ADCY2: variants seen among roughly 807,000 people sequenced by gnomAD.
ADCY2 encodes the protein adenylate cyclase 2, also known as adenylate cyclase type 2.
A neutral mutation model predicts 125.2 loss-of-function variants in ADCY2; 31 were observed. The ratio of observed to expected loss-of-function variants is 0.25; its 90% CI spans 0.19 to 0.33. The LOEUF is 0.33. Ranked by LOEUF, ADCY2 falls within the 10% of genes least tolerant of loss-of-function variation. The pLI is 1.00. For missense variants in ADCY2, 904 were observed against 1,418.2 expected, an observed-to-expected ratio of 0.64 and a Z score of 5.82; for synonymous variants, 512 against 548.4, an observed-to-expected ratio of 0.93 and a Z score of 0.93.
At chr5:7,693,912 T>A (rs1013995746) in intron 5 of ADCY2, among the ~76,000 whole-genome samples, 1 of 152,202 alleles carries the variant, frequency 6.6e-6, no homozygotes, top group African/African-American at 2.4e-5. Flanking sequence ...CAATACTGCT[T>A]TGAATCAGGG....
At chr5:7,752,109 G>C (rs1742845467) in intron 15 of ADCY2, among the ~76,000 whole-genome samples, 1 of 152,164 alleles carries the variant, frequency 6.6e-6, no homozygotes, top group Non-Finnish European at 1.5e-5. Flanking sequence ...ACAGTGCAGG[G>C]ATGTGGCTCA....
intron 3 of ADCY2, among the ~76,000 whole-genome samples, chr5:7,576,817 G>A (rs1736267924): frequency 6.6e-6 from 1 of 152,082 alleles, no homozygotes; most frequent in African/African-American, 2.4e-5. Context: ...AACTAGAAAT[G>A]TATTCTGAGC....
chr5:7,494,606 C>T (rs1743281769), intron 2 of ADCY2, among the ~76,000 whole-genome samples: 1 of 152,116 alleles, frequency 6.6e-6, no homozygotes, highest in African/African-American at 2.4e-5. Context: ...CTCCTCCAGG[C>T]CTGGCAGATG....
In ADCY2 at chr5:7,728,257, G is replaced by T. The variant is rs147001544; in HGVS notation, c.1871+996G>T. Among the ~76,000 whole-genome samples the T allele has an allele frequency of 4.7e-3, 720 of 152,216 alleles. 3 individuals are homozygous for T. The highest frequency in any genetic ancestry group is 7.8e-3 in the Non-Finnish European group (528 of 68,020). The stretch of plus-strand genomic sequence containing the variant: ...CTACAAAGAAGTTGTCTGTTTCTCC[G>T]CCTCTGTACTTCAAAGGATTTTCTT... On this transcript the variant is annotated intron_variant, in intron 14 of 24. Coordinates refer to ENST00000338316, the MANE Select transcript of ADCY2 (RefSeq NM_020546.3).
At chr5:7,793,063 C>T (rs765214660) in intron 20 of ADCY2, among the ~76,000 whole-genome samples, 1 of 152,166 alleles carries the variant, frequency 6.6e-6, no homozygotes, top group Non-Finnish European at 1.5e-5. Flanking sequence ...GTACCAGGGA[C>T]CTTCATGCCA....
Position 7,479,530 on chromosome 5 carries a change from C to A in ADCY2, c.409-41208C>A, listed in dbSNP as rs142171685. Among the ~76,000 whole-genome samples, 143 of 152,068 alleles carry A rather than the reference C, an allele frequency of 9.4e-4. 1 individual carries two copies. Among genetic ancestry groups the A allele is most frequent in the African/African-American group, 3.3e-3 (137 of 41,496 alleles). On this transcript the variant is annotated intron_variant, in intron 2 of 24. Coordinates refer to ENST00000338316, the MANE Select transcript of ADCY2 (RefSeq NM_020546.3). ...GATATAGGCATGCAATGCATAATAA[C>A]CACATCAGGGTAAATGGGGTATCTA...
chr5:7,396,271 C>A lies in ADCY2; in HGVS notation c.-26C>A, dbSNP rs1191842145. 1.5e-5 allele frequency: 17 copies of A among 1,121,152 alleles called. No homozygotes were observed. Among genetic ancestry groups the A allele is most frequent in the South Asian group, 3.7e-5 (1 of 27,192 alleles). 69.5% of individuals were successfully genotyped at this position (1,121,152 alleles called of 1,614,324 possible). A position where few individuals can be genotyped will look rare whatever the true frequency, so the allele number is the denominator to read the frequency against. ...CGGCGCTGCCCGGGCCGGGCGCGCA[C>A]GGCGGGCGCCCTGTGAGCGGCCCCG... On this transcript the variant is annotated 5_prime_UTR_variant, in exon 1 of 25. Coordinates refer to ENST00000338316, the MANE Select transcript of ADCY2 (RefSeq NM_020546.3). The surrounding 1 kb of genome is among the most constrained non-coding windows in gnomAD (Gnocchi z 5.7).
intron 2 of ADCY2, among the ~76,000 whole-genome samples, chr5:7,420,412 G>A (rs1205254819): frequency 6.6e-6 from 1 of 152,116 alleles, no homozygotes; most frequent in Non-Finnish European, 1.5e-5. Flanking sequence ...CAACAAGGGT[G>A]GGGACCCTGG....
In ADCY2 at chr5:7,533,050, A is replaced by T. The variant is rs1177562648; in HGVS notation, c.570+12151A>T. Among the ~76,000 whole-genome samples, 10 of 149,484 alleles carry T rather than the reference A, an allele frequency of 6.7e-5. No individual in the cohort carries two copies. In the East Asian group the frequency reaches 1.9e-3, roughly 29 times the overall value. The stretch of plus-strand genomic sequence containing the variant: ...GTATATATGTATATAAACATTTGAT[A>T]TATATACATTTGATATATACATATA... On this transcript the variant is annotated intron_variant, in intron 3 of 24. Transcript: ENST00000338316.
intron 4 of ADCY2, among the ~76,000 whole-genome samples, chr5:7,636,486 T>C (rs1366416): frequency 0.63 from 95,348 of 152,094 alleles, 30,331 homozygotes; most frequent in Non-Finnish European, 0.65. Context: ...CCAGCTGTCC[T>C]ACAGGGAGGT....
chr5:7,627,618 T>C (rs1178582826), intron 4 of ADCY2, among the ~76,000 whole-genome samples: 2 of 152,234 alleles, frequency 1.3e-5, no homozygotes, highest in Admixed American at 6.5e-5. Context: ...CCTTAATTAT[T>C]GTTTGTGAAG....
At chr5:7,695,704 A>G (rs1194272252) in intron 5 of ADCY2, 48 bp from the exon 6 acceptor site, 4 of 1,162,186 alleles carry the variant, frequency 3.4e-6, no homozygotes, top group East Asian at 2.6e-5. Context: ...TTCTTAAAAA[A>G]TGTATAAACT....
At chr5:7,430,803 ATACT>A (rs1740570419) in intron 2 of ADCY2, among the ~76,000 whole-genome samples, 1 of 152,140 alleles carries the variant, frequency 6.6e-6, no homozygotes, top group Non-Finnish European at 1.5e-5. Context: ...AAAATAGGAA[ATACT>A]TAGAAGTAAA....
intron 15 of ADCY2, among the ~76,000 whole-genome samples, chr5:7,746,753 C>G (rs1742637689): frequency 6.6e-6 from 1 of 152,188 alleles, no homozygotes; most frequent in South Asian, 2.1e-4. Context: ...AGTATTTGTG[C>G]TCTAATACCA....
At chr5:7,632,948 A>AT (rs1412065979) in intron 4 of ADCY2, among the ~76,000 whole-genome samples, 3 of 152,204 alleles carry the variant, frequency 2.0e-5, no homozygotes, top group African/African-American at 7.2e-5. Context: ...AGATTGTGCT[A>AT]TGACTGTGCA....
At chr5:7,636,775 G>C (rs1197173743) in intron 4 of ADCY2, among the ~76,000 whole-genome samples, 2 of 152,198 alleles carry the variant, frequency 1.3e-5, no homozygotes, top group Non-Finnish European at 2.9e-5. Flanking sequence ...AGTGAGAAGA[G>C]GGTAAAGGAG....
At chr5:7,462,566 A>C (rs1293257687) in intron 2 of ADCY2, among the ~76,000 whole-genome samples, 1 of 152,262 alleles carries the variant, frequency 6.6e-6, no homozygotes, top group Non-Finnish European at 1.5e-5. Flanking sequence ...AAATCATTTG[A>C]CATTTTATTA....
At chr5:7,461,153 T>A (rs2126439370) in intron 2 of ADCY2, among the ~76,000 whole-genome samples, 1 of 152,258 alleles carries the variant, frequency 6.6e-6, no homozygotes, top group South Asian at 2.1e-4. Flanking sequence ...GTTCTCTCTG[T>A]TCTTTTCAAA....
chr5:7,579,531 C>A lies in ADCY2; in HGVS notation c.571-46636C>A, dbSNP rs375807895. On this transcript the variant is annotated intron_variant, in intron 3 of 24. Transcript: ENST00000338316. The stretch of plus-strand genomic sequence containing the variant: ...TGATCCAGCCAGCATCCCAGGAGGA[C>A]GGATGAGAGGATAAAATAACAGAAT... Among the ~76,000 whole-genome samples, 8 of 152,144 alleles carry A rather than the reference C, an allele frequency of 5.3e-5. No individual in the cohort carries two copies. In the East Asian group the frequency reaches 1.5e-3, roughly 29 times the overall value.
Sources: allele counts gnomAD v4.1 joint callset (sites outside exome capture counted in the v4.1 genomes callset), GRCh38; gene constraint gnomAD v4.1.1; non-coding constraint Gnocchi (gnomAD v3.1); transcripts MANE v1.5; gene names NCBI Gene and HGNC (gene_info 2026-07-23, HGNC 2026-07-21).